ART3: variants seen among roughly 807,000 people sequenced by gnomAD.
ART3 encodes ADP-ribosyltransferase 3 (inactive), also known as ecto-ADP-ribosyltransferase 3.
ART3 carries 49 observed loss-of-function variants against 48.5 expected under a neutral mutation model. That is an observed-to-expected ratio of 1.01 (90% CI 0.80 to 1.28). ART3 has a LOEUF of 1.28. Among genes scored for constraint, ART3 ranks in the 50% most tolerant of loss-of-function variants. The pLI is 0.00. For missense variants in ART3, 438 were observed against 454.3 expected (o/e 0.96, Z 0.33); for synonymous variants, 145 against 157.2 (o/e 0.92, Z 0.58).
At chr4:76,076,236 C>G (rs902745748) in intron 2 of ART3, among the ~76,000 whole-genome samples, 2 of 152,050 alleles carry the variant, frequency 1.3e-5, no homozygotes, top group African/African-American at 2.4e-5. Context: ...GATCTCCTGA[C>G]CTCATGATCC....
At chr4:76,058,907 A>G (rs1718926640) in intron 1 of ART3, among the ~76,000 whole-genome samples, 1 of 152,184 alleles carries the variant, frequency 6.6e-6, no homozygotes, top group Admixed American at 6.5e-5. Flanking sequence ...GTGGTGAAAG[A>G]AGATTATGGA....
intron 1 of ART3, chr4:76,020,972 T>C (rs1578203018): frequency 6.6e-6 from 1 of 152,312 alleles, no homozygotes; most frequent in Non-Finnish European, 1.5e-5. Context: ...TTTCAGGAGA[T>C]TACAGTTGGA....
chr4:76,023,684 CTT>C (rs1008653464), intron 1 of ART3, among the ~76,000 whole-genome samples: 2 of 152,238 alleles, frequency 1.3e-5, no homozygotes, highest in South Asian at 2.1e-4. Flanking sequence ...CTCTGCTCCT[CTT>C]TTTTTGGTAA....
chr4:76,069,494 A>C (rs1169521946), intron 1 of ART3, among the ~76,000 whole-genome samples: 1 of 145,848 alleles, frequency 6.9e-6, no homozygotes, highest in African/African-American at 2.6e-5. Flanking sequence ...GGTTCAAGCG[A>C]TTTTCCTGCC....
At chr4:76,014,458 T>C (rs1288622538) in intron 1 of ART3, among the ~76,000 whole-genome samples, 2 of 152,066 alleles carry the variant, frequency 1.3e-5, no homozygotes, top group Non-Finnish European at 2.9e-5. Context: ...GAAGAAAGAA[T>C]CTGCAAATCT....
At chr4:76,041,275 C>T (rs1458526394) in intron 1 of ART3, 1 of 152,202 alleles carries the variant, frequency 6.6e-6, no homozygotes, top group Non-Finnish European at 1.5e-5. Context: ...AGGAAGATTA[C>T]CTTCTTTCAC....
chr4:76,064,495 G>T (rs917628056), intron 1 of ART3, among the ~76,000 whole-genome samples: 1 of 152,144 alleles, frequency 6.6e-6, no homozygotes, highest in African/African-American at 2.4e-5. Context: ...CTTGTGTCTT[G>T]TCTTTATACT....
intron 2 of ART3, among the ~76,000 whole-genome samples, chr4:76,079,937 G>C (rs1053693175): frequency 3.4e-4 from 48 of 142,454 alleles, no homozygotes; most frequent in Admixed American, 1.1e-3. Context: ...CACACAGAGA[G>C]AGAGAGAGAG....
At chr4:76,011,674 C>CG (rs1000602710) in intron 1 of ART3, among the ~76,000 whole-genome samples, 6 of 152,182 alleles carry the variant, frequency 3.9e-5, no homozygotes, top group Admixed American at 1.3e-4. Flanking sequence ...AGATAGCAAG[C>CG]GGAATGGGAG....
chr4:76,085,852 A>G (rs539937200), intron 3 of ART3, among the ~76,000 whole-genome samples: 80 of 152,292 alleles, frequency 5.3e-4, no homozygotes, highest in African/African-American at 1.9e-3. Flanking sequence ...CGGGCAGATC[A>G]CCTGAGGTCA....
intron 3 of ART3, among the ~76,000 whole-genome samples, chr4:76,093,676 A>T (rs2149628006): frequency 6.6e-6 from 1 of 152,340 alleles, no homozygotes; most frequent in Admixed American, 6.5e-5. Flanking sequence ...GATAGGATGT[A>T]GACCTCTTTA....
Position 76,104,482 on chromosome 4 carries a change from C to A in ART3, c.971-115C>A, listed in dbSNP as rs1029554580. 8 of 1,508,688 alleles carry A rather than the reference C, an allele frequency of 5.3e-6. No homozygotes were observed. The African/African-American group carries it at 1.1e-4, about 21-fold the overall frequency. The allele number at this position is 1,508,688 out of a possible 1,614,324, so 93.5% of individuals were successfully genotyped here. Reference sequence around the variant, plus strand: ...GAACTTTTAAATAAAAAGCCAGAAACTATAGTGCATTGGGGCCTTGGGTGC... The same window carrying A: ...GAACTTTTAAATAAAAAGCCAGAAAATATAGTGCATTGGGGCCTTGGGTGC... On this transcript the variant is annotated intron_variant, in intron 9 of 11. Coordinates refer to ENST00000355810, the MANE Select transcript of ART3 (RefSeq NM_001130016.3).
chr4:76,110,271 T>A (rs4241587), intron 11 of ART3, among the ~76,000 whole-genome samples: 83,270 of 152,098 alleles, frequency 0.55, 25,131 homozygotes, highest in African/African-American at 0.81. Context: ...CTACTTGCAT[T>A]TCATTTACAT....
chr4:76,045,579 G>A (rs528123445), intron 1 of ART3, among the ~76,000 whole-genome samples: 5 of 152,134 alleles, frequency 3.3e-5, no homozygotes, highest in African/African-American at 1.2e-4. Flanking sequence ...TTGTGGGGTT[G>A]TCCCACGAGT....
At chr4:76,097,111 A>G (rs1726177781) in intron 3 of ART3, among the ~76,000 whole-genome samples, 1 of 152,240 alleles carries the variant, frequency 6.6e-6, no homozygotes, top group African/African-American at 2.4e-5. Context: ...AGATACAGAT[A>G]AGAAAACTGA....
At chr4:76,051,238 T>C (rs1242214310) in intron 1 of ART3, among the ~76,000 whole-genome samples, 10 of 151,276 alleles carry the variant, frequency 6.6e-5, no homozygotes, top group African/African-American at 2.2e-4. Flanking sequence ...AGTAGTATAG[T>C]ACCTGATGCT....
chr4:76,020,438 T>G (rs1190572743), intron 1 of ART3, among the ~76,000 whole-genome samples: 1 of 152,188 alleles, frequency 6.6e-6, no homozygotes, highest in East Asian at 1.9e-4. Context: ...CTTTACATAT[T>G]CTAGATGCTA....
chr4:76,094,701 C>A (rs1725624774), intron 3 of ART3, among the ~76,000 whole-genome samples: 1 of 152,122 alleles, frequency 6.6e-6, no homozygotes, highest in Non-Finnish European at 1.5e-5. Flanking sequence ...TATTCTTGAC[C>A]TTGTGGGTTC....
intron 2 of ART3, among the ~76,000 whole-genome samples, chr4:76,078,484 A>G (rs530557432): frequency 6.6e-6 from 1 of 152,236 alleles, no homozygotes; most frequent in African/African-American, 2.4e-5. Context: ...TGGCTATGAG[A>G]TGGCAGTGAT....
Sources: gnomAD v4.1 joint callset for allele counts (sites outside exome capture counted in the v4.1 genomes callset) on GRCh38, gnomAD v4.1.1 for gene constraint, MANE v1.5 for transcripts, NCBI Gene and HGNC (gene_info 2026-07-23, HGNC 2026-07-21) for gene names.